RNF135: variants seen among roughly 807,000 people sequenced by gnomAD.
The protein encoded by RNF135 is ring finger protein 135.
A neutral mutation model predicts 41.9 loss-of-function variants in RNF135; 46 were observed. The ratio of observed to expected loss-of-function variants is 1.10; its 90% CI spans 0.87 to 1.40. RNF135 has a LOEUF of 1.40. Among genes scored for constraint, RNF135 ranks in the 40% most tolerant of loss-of-function variants. The probability of loss-of-function intolerance (pLI) is 0.00; values close to 1 mark genes in which losing one functional copy is unlikely to be tolerated. For synonymous variants in RNF135, 238 were observed against 223.8 expected (o/e 1.06, Z -0.57); for missense variants, 539 against 549.8 (o/e 0.98, Z 0.20).
intron 1 of RNF135, among the ~76,000 whole-genome samples, chr17:30,979,538 C>A (rs1391824933): frequency 1.1e-5 from 1 of 91,362 alleles, no homozygotes; most frequent in Non-Finnish European, 2.6e-5. Context: ...GCCGACCCCC[C>A]CCCCCCGCCT....
intron 1 of RNF135, among the ~76,000 whole-genome samples, chr17:30,983,353 A>ATTTTTTTTTTTTTT (rs1192298651): frequency 3.4e-4 from 12 of 35,726 alleles, no homozygotes; most frequent in African/African-American, 1.1e-3. Flanking sequence ...ATATATATAT[A>ATTTTTTTTTTTTTT]TTTTTTTTTT....
intron 1 of RNF135, among the ~76,000 whole-genome samples, chr17:30,979,874 C>T (rs1295482407): frequency 7.4e-6 from 1 of 135,280 alleles, no homozygotes; most frequent in Non-Finnish European, 1.6e-5. Context: ...CCCCCCACCT[C>T]CCTCCCGGGC....
rs771801574 is a variant in RNF135, at chr17:30,999,079, A to G, written c.1187A>G (p.Glu396Gly). 1 of 1,614,040 alleles carries G rather than the reference A, an allele frequency of 6.2e-7. No homozygotes were observed. The highest frequency in any genetic ancestry group is 8.5e-7 in the Non-Finnish European group (1 of 1,179,994). ...GCCTTCTATTCAGTGGACAATCAGG[A>G]GAAGCTTCTGTATGAGTGTACCATC... ...KLAFYSVDNQ[E>G]KLLYECTISA... Residue 396 changes from glutamate to glycine, a missense_variant, in exon 5 of 5, where the codon GAG becomes GGG. Around this residue, in one of 2 missense-constraint regions of RNF135, gnomAD observed 262 missense variants for 336.9 expected, o/e 0.78. Transcript: ENST00000328381.
chr17:30,983,655 A>AT (rs748748099), intron 1 of RNF135, among the ~76,000 whole-genome samples: 6 of 151,598 alleles, frequency 4.0e-5, no homozygotes, highest in East Asian at 1.9e-4. Flanking sequence ...CGCCTGGCCT[A>AT]TTTTTAATAT....
chr17:30,963,337 C>T, the RNF135 span, among the ~76,000 whole-genome samples: 1 of 151,870 alleles, frequency 6.6e-6, no homozygotes, highest in Non-Finnish European at 1.5e-5. Flanking sequence ...AATCCCAGCA[C>T]TTTGGGAGGC....
chr17:30,983,339 ATATATATATATATATT>A (rs1349948083), intron 1 of RNF135, among the ~76,000 whole-genome samples: 372 of 27,482 alleles, frequency 0.014, 5 homozygotes, highest in South Asian at 0.046. Context: ...ATATATATAT[ATATATATATATATATT>A]TTTTTTTTTT....
chr17:30,983,317 G>GTATATATATATATATATA (rs1234232549), intron 1 of RNF135, among the ~76,000 whole-genome samples: 1 of 24,844 alleles, frequency 4.0e-5, no homozygotes, highest in Non-Finnish European at 1.0e-4. Context: ...TTACATATAT[G>GTATATATATATATATATA]TACATATATA....
At chr17:30,971,535 C>A in intron 1 of RNF135, 90 bp downstream of exon 1, 2 of 1,386,850 alleles carry the variant, frequency 1.4e-6, no homozygotes, top group Non-Finnish European at 1.9e-6. Flanking sequence ...CTTTCCTCAG[C>A]CGTTCTACTT....
intron 1 of RNF135, among the ~76,000 whole-genome samples, chr17:30,981,869 T>G (rs1478644207): frequency 6.6e-6 from 1 of 152,228 alleles, no homozygotes; most frequent in Admixed American, 6.5e-5. Context: ...AGGCAGAGAT[T>G]CTTGTTCTCT....
chr17:30,986,648 C>G (rs1907611781), intron 2 of RNF135, among the ~76,000 whole-genome samples: 1 of 152,198 alleles, frequency 6.6e-6, no homozygotes, highest in African/African-American at 2.4e-5. Flanking sequence ...CGCTGAGAGT[C>G]TGACTTTCAG....
intron 1 of RNF135, among the ~76,000 whole-genome samples, chr17:30,983,365 T>A (rs1233989182): frequency 2.8e-5 from 2 of 70,886 alleles, no homozygotes; most frequent in Admixed American, 3.1e-4. Flanking sequence ...TTTTTTTTTT[T>A]TTTTTTGAGA....
intron 1 of RNF135, among the ~76,000 whole-genome samples, chr17:30,979,653 G>T (rs1418595267): frequency 1.4e-5 from 2 of 139,148 alleles, no homozygotes; most frequent in African/African-American, 5.4e-5. Context: ...GGCTGGCCAG[G>T]CGGGGGGCTG....
intron 1 of RNF135, chr17:30,975,304 CAG>C (rs1906344690): frequency 1.6e-6 from 1 of 624,992 alleles, no homozygotes; most frequent in African/African-American, 1.8e-5. Context: ...GCCTGGGCAA[CAG>C]AGCAACATCC....
At chr17:30,983,021 T>A (rs1485239819) in intron 1 of RNF135, among the ~76,000 whole-genome samples, 3 of 152,090 alleles carry the variant, frequency 2.0e-5, no homozygotes, top group African/African-American at 7.2e-5. Flanking sequence ...AGTATCTGTC[T>A]TTTTGTGACT....
At position 30,984,651 on chromosome 17, in the gene RNF135, A is replaced by G; in HGVS notation, c.407A>G (p.Gln136Arg). The G allele has an allele frequency of 6.2e-7, 1 of 1,614,212 alleles. No homozygotes were observed. Among genetic ancestry groups the G allele is most frequent in the South Asian group, 1.1e-5 (1 of 91,088 alleles). Residue 136 changes from glutamine (Q) to arginine (R), a missense_variant, in exon 2 of 5, where the codon CAG (glutamine) becomes CGG (arginine). This residue lies in a region of RNF135 where 277 missense variants were observed against 212.8 expected (regional missense o/e 1.30). Transcript: ENST00000328381. ...AVEKSITEVA[Q>R]ELTELVEHLV... ...GAGAAGAGCATCACAGAAGTTGCTC[A>G]GGAGCTGACAGAGCTGGTGGAACAT...
At chr17:30,969,370 G>C (rs1406572241), upstream of RNF135, 1 of 152,250 alleles carries the variant, frequency 6.6e-6, no homozygotes, top group Non-Finnish European at 1.5e-5. Context: ...AGGTTATGCT[G>C]TAGCAGCACA....
At chr17:30,973,925 T>G (rs1181731585) in intron 1 of RNF135, among the ~76,000 whole-genome samples, 1 of 152,236 alleles carries the variant, frequency 6.6e-6, no homozygotes, top group African/African-American at 2.4e-5. Context: ...CTCCATTGAT[T>G]AGACTTGGCA....
At chr17:30,980,411 C>T (rs1261632249) in intron 1 of RNF135, among the ~76,000 whole-genome samples, 3 of 145,646 alleles carry the variant, frequency 2.1e-5, no homozygotes, top group Admixed American at 6.7e-5. Context: ...TAGGGGCGGC[C>T]GGGCAGAGGG....
At chr17:30,959,868 G>A in the RNF135 span, 1 of 151,990 alleles carries the variant, frequency 6.6e-6, no homozygotes, top group Non-Finnish European at 1.5e-5. Context: ...AAAATAGCTA[G>A]GCATGGGCAC....
Sources: allele counts gnomAD v4.1 joint callset (sites outside exome capture counted in the v4.1 genomes callset), GRCh38; gene constraint gnomAD v4.1.1; regional missense constraint gnomAD v4.1.1; transcripts MANE v1.5; gene names NCBI Gene and HGNC (gene_info 2026-07-23, HGNC 2026-07-21).